The following AGBL4 variants were observed in gnomAD, a reference collection of about 807,000 sequenced individuals.
AGBL4 encodes the protein cytosolic carboxypeptidase 6.
A neutral mutation model predicts 66.4 loss-of-function variants in AGBL4; 58 were observed. The observed-to-expected ratio is 0.87, with a 90% CI of 0.71 to 1.09. The LOEUF is 1.09. Among genes scored for constraint, AGBL4 ranks in the 50% least tolerant of loss-of-function variants. The pLI is 0.00. For missense variants in AGBL4, 579 were observed against 631.0 expected (o/e 0.92, Z 0.88); for synonymous variants, 234 against 222.9 (o/e 1.05, Z -0.44).
chr1:48,839,076 T>C (rs1646743547), intron 6 of AGBL4, among the ~76,000 whole-genome samples: 1 of 152,054 alleles, frequency 6.6e-6, no homozygotes, highest in African/African-American at 2.4e-5. Context: ...ACACTGTTGA[T>C]GGGAATGTAA....
intron 3 of AGBL4, among the ~76,000 whole-genome samples, chr1:49,552,494 C>A (rs1354898048): frequency 6.6e-6 from 1 of 152,206 alleles, no homozygotes; most frequent in Non-Finnish European, 1.5e-5. Context: ...CTCCTCTATA[C>A]CCCTGTATTT....
At chr1:48,840,245 A>G (rs1646768024) in intron 6 of AGBL4, among the ~76,000 whole-genome samples, 1 of 152,154 alleles carries the variant, frequency 6.6e-6, no homozygotes, top group African/African-American at 2.4e-5. Flanking sequence ...CTATTCATAC[A>G]GAATACCTCT....
At chr1:49,397,324 A>G (rs1334331320) in intron 3 of AGBL4, among the ~76,000 whole-genome samples, 1 of 152,122 alleles carries the variant, frequency 6.6e-6, no homozygotes, top group Non-Finnish European at 1.5e-5. Flanking sequence ...ATGAAACTAG[A>G]GAATAGAAAC....
intron 3 of AGBL4, among the ~76,000 whole-genome samples, chr1:49,289,503 A>G (rs994431114): frequency 2.6e-5 from 4 of 152,194 alleles, no homozygotes; most frequent in Admixed American, 2.6e-4. Context: ...TACTGATTTG[A>G]AAGGAGGAAA....
intron 5 of AGBL4, among the ~76,000 whole-genome samples, chr1:49,022,552 G>A (rs892681678): frequency 1.3e-5 from 2 of 151,842 alleles, no homozygotes; most frequent in South Asian, 2.1e-4. Context: ...TGGCTAATGG[G>A]GGAGACCCAC....
chr1:49,269,119 A>G (rs1643996489), intron 3 of AGBL4: 1 of 152,194 alleles, frequency 6.6e-6, no homozygotes, highest in East Asian at 1.9e-4. Flanking sequence ...TACATTGACT[A>G]AAGCCCAATG....
intron 5 of AGBL4, among the ~76,000 whole-genome samples, chr1:48,923,826 G>A (rs78415157): frequency 0.044 from 6,730 of 152,270 alleles, 426 homozygotes; most frequent in African/African-American, 0.15. Context: ...GGGCATGTAA[G>A]TCTCCTAAGA....
At chr1:48,551,174 T>G (rs1233313858) in intron 11 of AGBL4, among the ~76,000 whole-genome samples, 1 of 152,208 alleles carries the variant, frequency 6.6e-6, no homozygotes, top group Non-Finnish European at 1.5e-5. Context: ...TAAGCTAGTA[T>G]AAGCCTTATC....
chr1:49,050,479 TGAATG>T (rs1019595249), intron 4 of AGBL4, among the ~76,000 whole-genome samples: 7 of 152,134 alleles, frequency 4.6e-5, no homozygotes, highest in Non-Finnish European at 8.8e-5. Context: ...AGAACACTTA[TGAATG>T]GATAAATGTT....
chr1:48,663,521 T>A (rs1646140175), intron 6 of AGBL4, among the ~76,000 whole-genome samples: 1 of 152,198 alleles, frequency 6.6e-6, no homozygotes, highest in Admixed American at 6.5e-5. Context: ...TGAATTTGAA[T>A]CCCAAATCCA....
chr1:49,763,702 C>T (rs1652511446), intron 2 of AGBL4, among the ~76,000 whole-genome samples: 1 of 152,184 alleles, frequency 6.6e-6, no homozygotes, highest in African/African-American at 2.4e-5. Flanking sequence ...AGGATAACCT[C>T]CCTGACTCCC....
chr1:49,201,671 T>C (rs1647710531), intron 4 of AGBL4, among the ~76,000 whole-genome samples: 1 of 152,178 alleles, frequency 6.6e-6, no homozygotes, highest in Non-Finnish European at 1.5e-5. Context: ...TAAATGTCAT[T>C]CAAGAAGTCA....
chr1:49,007,694 C>T (rs1661979441), intron 5 of AGBL4, among the ~76,000 whole-genome samples: 1 of 151,496 alleles, frequency 6.6e-6, no homozygotes, highest in African/African-American at 2.4e-5. Flanking sequence ...AGAAACCCTA[C>T]AAGCCAGAAG....
intron 3 of AGBL4, among the ~76,000 whole-genome samples, chr1:49,621,330 G>A (rs893469705): frequency 1.3e-5 from 2 of 152,120 alleles, no homozygotes; most frequent in African/African-American, 2.4e-5. Context: ...TGGCTGGAAC[G>A]GGAACTCACA....
At chr1:49,554,480 A>C (rs1273134453) in intron 3 of AGBL4, among the ~76,000 whole-genome samples, 1 of 152,236 alleles carries the variant, frequency 6.6e-6, no homozygotes, top group East Asian at 1.9e-4. Context: ...TTACTAAACA[A>C]ATTTTCACTT....
intron 3 of AGBL4, among the ~76,000 whole-genome samples, chr1:49,370,227 G>T (rs1192630360): frequency 1.3e-5 from 2 of 150,158 alleles, no homozygotes; most frequent in Non-Finnish European, 3.0e-5. Context: ...ATATATATAT[G>T]CAGAGAGAGA....
chr1:49,933,967 A>C (rs1292986089), intron 1 of AGBL4, among the ~76,000 whole-genome samples: 1 of 152,196 alleles, frequency 6.6e-6, no homozygotes, highest in Non-Finnish European at 1.5e-5. Context: ...ACAATGGCTG[A>C]ATATATAATA....
chr1:49,735,292 TGTGG>T (rs879326509), intron 2 of AGBL4, among the ~76,000 whole-genome samples: 6,671 of 113,428 alleles, frequency 0.059, 263 homozygotes, highest in African/African-American at 0.19. Context: ...GGTAGAGGTG[TGTGG>T]GTGTGTGTGT....
intron 3 of AGBL4, among the ~76,000 whole-genome samples, chr1:49,589,745 A>G (rs1440341770): frequency 2.0e-5 from 3 of 152,148 alleles, no homozygotes; most frequent in Non-Finnish European, 4.4e-5. Context: ...ATTAGTCCCA[A>G]TTAAGAGTGA....
Sources: allele counts gnomAD v4.1 joint callset (sites outside exome capture counted in the v4.1 genomes callset), GRCh38; gene constraint gnomAD v4.1.1; transcripts MANE v1.5; gene names NCBI Gene and HGNC (gene_info 2026-07-23, HGNC 2026-07-21).